The following PRPF31 variants were observed in gnomAD, a reference collection of about 807,000 sequenced individuals.
The protein encoded by PRPF31 is U4/U6 small nuclear ribonucleoprotein Prp31.
Under a neutral mutation model 60.4 loss-of-function variants are expected in PRPF31, and 12 were observed. The ratio of observed to expected loss-of-function variants is 0.20; its 90% CI spans 0.13 to 0.32. The LOEUF (loss-of-function observed/expected upper bound fraction) is 0.32. Ranked by LOEUF, PRPF31 falls within the 10% of genes least tolerant of loss-of-function variation. The probability of loss-of-function intolerance (pLI) is 1.00; values close to 1 mark genes in which losing one functional copy is unlikely to be tolerated. For missense variants in PRPF31, 431 were observed against 687.1 expected (o/e 0.63, Z 4.17); for synonymous variants, 287 against 287.9 (o/e 1.00, Z 0.03).
chr19:54,123,722 G>T, intron 6 of PRPF31, 27 bp from the exon 7 acceptor site: 1 of 1,599,508 alleles, frequency 6.3e-7, no homozygotes. Context: ...GGGAGACCCA[G>T]GAGGCTGGGC....
intron 11 of PRPF31, 97 bp downstream of exon 11, chr19:54,128,474 G>A (rs1273022878): frequency 3.1e-6 from 4 of 1,272,308 alleles, no homozygotes; most frequent in Non-Finnish European, 4.5e-6. Context: ...CTGTGGCCCT[G>A]GCTCATGTCT....
chr19:54,129,423 C>T, intron 13 of PRPF31, 53 bp downstream of exon 13: 2 of 1,539,320 alleles, frequency 1.3e-6, no homozygotes, highest in Non-Finnish European at 1.8e-6. Flanking sequence ...GGCAAGGCCC[C>T]TTGCCCTCTG....
chr19:54,129,292 C>T lies in PRPF31; in HGVS notation c.1296C>T (p.Ser432=), dbSNP rs748076531. The T allele has an allele frequency of 1.1e-5, 18 of 1,611,220 alleles. No homozygotes were observed. Among genetic ancestry groups the T allele is most frequent in the Middle Eastern group, 1.6e-4 (1 of 6,078 alleles). The change falls in exon 13 of 14, where the codon AGC becomes AGT. Residue 432 remains serine (S), a synonymous_variant. Transcript: ENST00000321030. ...KTLQRTLQKQ[S]VVYGGKSTIR... Reference sequence around the variant, plus strand: ...CACAGCGGACCCTGCAGAAGCAGAGCGTCGTATATGGCGGGAAGTCCACCA... The same window carrying T: ...CACAGCGGACCCTGCAGAAGCAGAGTGTCGTATATGGCGGGAAGTCCACCA...
intron 8 of PRPF31, 172 bp from the exon 9 acceptor site, chr19:54,126,356 C>G (rs1052299111): frequency 4.4e-6 from 3 of 681,990 alleles, no homozygotes; most frequent in Non-Finnish European, 8.0e-6. Flanking sequence ...CTGCCCTCAT[C>G]CCCTCTTCCT....
At chr19:54,125,800 G>T (rs146992947) in intron 8 of PRPF31, among the ~76,000 whole-genome samples, 101 of 152,290 alleles carry the variant, frequency 6.6e-4, no homozygotes, top group Middle Eastern at 6.8e-3. Context: ...AGAGAGAGTG[G>T]GCGATAGAAC....
intron 4 of PRPF31, chr19:54,122,218 T>G (rs2073809318): frequency 1.6e-6 from 1 of 620,850 alleles, no homozygotes. Flanking sequence ...GCGAGGTGAC[T>G]GCCCCACCTC....
Position 54,129,186 on chromosome 19 carries a change from G to A in PRPF31, c.1275+1G>A. ...GGCCAGGATCTCCAAGACGCTGCAG[G>A]TATGGGCCAGACCCAGGTGGGGCTG... On this transcript the variant is annotated splice_donor_variant, in intron 12 of 13. Transcript: ENST00000321030. LOFTEE classifies it high-confidence loss of function. 6.3e-7 allele frequency: 1 copy of A among 1,590,530 alleles called. No homozygotes were observed. The highest frequency in any genetic ancestry group is 8.6e-7 in the Non-Finnish European group (1 of 1,168,924).
intron 4 of PRPF31, 55 bp from the exon 5 acceptor site, chr19:54,122,442 C>T: frequency 7.3e-7 from 1 of 1,367,498 alleles, no homozygotes; most frequent in Non-Finnish European, 1.0e-6. Flanking sequence ...TTAGGGCCAA[C>T]CAGCAGAGTC....
Position 54,123,597 on chromosome 19 carries a change from G to T in PRPF31, c.527+37G>T, listed in dbSNP as rs202204961. On this transcript the variant is annotated intron_variant, in intron 6 of 13. Coordinates refer to ENST00000321030, the MANE Select transcript of PRPF31 (RefSeq NM_015629.4). ...TCGAGGGAGGCGCCGGGCCCTAATG[G>T]GATTGGGGATTAGGCTGGAGCTACA... The T allele has an allele frequency of 3.5e-5, 57 of 1,608,270 alleles. 1 individual carries two copies. In the Middle Eastern group the frequency reaches 6.6e-4, roughly 19 times the overall value.
chr19:54,116,303 C>CT (rs1411649797), intron 1 of PRPF31, among the ~76,000 whole-genome samples: 17 of 152,158 alleles, frequency 1.1e-4, no homozygotes, highest in African/African-American at 4.1e-4. Context: ...CTCCCGGATT[C>CT]AAGCGATTCT....
At chr19:54,124,835 C>T in intron 8 of PRPF31, 179 bp downstream of exon 8, 1 of 726,704 alleles carries the variant, frequency 1.4e-6, no homozygotes. Flanking sequence ...CAGCACCCAC[C>T]AGTCAGGTGA....
chr19:54,131,248 GTCACAGTTGGGGCCT>G, intron 13 of PRPF31, 44 bp from the exon 14 acceptor site: 1 of 1,606,570 alleles, frequency 6.2e-7, no homozygotes, highest in African/African-American at 1.3e-5. Context: ...GCTCTGATGG[GTCACAGTTGGGGCCT>G]TCTCCTCACC....
intron 8 of PRPF31, chr19:54,125,007 C>T: frequency 4.6e-6 from 2 of 434,834 alleles, no homozygotes; most frequent in Non-Finnish European, 8.5e-6. Context: ...CGTGCAACTG[C>T]TCCGAAGACC....
At chr19:54,115,851 GA>G (rs2073617311) in intron 1 of PRPF31, 54 bp downstream of exon 1, 1 of 203,606 alleles carries the variant, frequency 4.9e-6, no homozygotes, top group South Asian at 1.6e-4. Flanking sequence ...GGGTCTGGGA[GA>G]AGAAGTGTGT....
At position 54,128,372 on chromosome 19, in the gene PRPF31, G is replaced by A; in HGVS notation, c.1141G>A (p.Gly381Arg). 6.5e-7 allele frequency: 1 copy of A among 1,545,004 alleles called. No homozygotes were observed. Among genetic ancestry groups the A allele is most frequent in the Non-Finnish European group, 8.7e-7 (1 of 1,146,184 alleles). ...IRKQANRMSF[G>R]EIEEDAYQED... ...GAAGCAGGCCAACCGTATGAGCTTC[G>A]GAGAGGTCAGACTCCCAGAGCGCCC... The change falls in exon 11 of 14, where the codon GGA becomes AGA. Residue 381 changes from glycine (G) to arginine (R), a missense_variant. Physicochemically the swap from Gly to Arg is moderately radical, Grantham distance 125. Coordinates refer to ENST00000321030, the MANE Select transcript of PRPF31 (RefSeq NM_015629.4).
intron 8 of PRPF31, chr19:54,124,983 C>T: frequency 2.0e-6 from 1 of 493,856 alleles, no homozygotes; most frequent in Non-Finnish European, 3.7e-6. Context: ...TCACGACAAG[C>T]AGCGTCGGGT....
intron 4 of PRPF31, 72 bp from the exon 5 acceptor site, chr19:54,122,425 A>G (rs1377985360): frequency 6.3e-6 from 7 of 1,105,142 alleles, no homozygotes; most frequent in African/African-American, 1.5e-5. Flanking sequence ...AGAAGGGGAC[A>G]TGGGTGTTAG....
chr19:54,122,518 G>A lies in PRPF31; in HGVS notation c.344G>A (p.Arg115Gln). The change falls in exon 5 of 14, where the codon CGG becomes CAG. Residue 115 changes from arginine (R) to glutamine (Q), a missense_variant. Arg to Gln is a conservative substitution (Grantham distance 43). Transcript: ENST00000321030. ...CTAGACATCATCCATAAGTTCATCC[G>A]GGATAAGTACTCAAAGAGATTCCCT... ...NELNIIHKFI[R>Q]DKYSKRFPEL... is the part of the protein sequence containing the mutation. The A allele has an allele frequency of 6.2e-7, 1 of 1,613,856 alleles. No homozygotes were observed. Among genetic ancestry groups the A allele is most frequent in the Non-Finnish European group, 8.5e-7 (1 of 1,179,758 alleles).
In PRPF31 at chr19:54,124,093, A is replaced by G. The variant is rs587711843; in HGVS notation, c.697+175A>G. 6.4e-5 allele frequency: 84 copies of G among 1,320,576 alleles called. No individual in the cohort carries two copies. The Middle Eastern group carries it at 1.4e-3, about 22-fold the overall frequency. The allele number at this position is 1,320,576 out of a possible 1,614,324, so 81.8% of individuals were successfully genotyped here. ...ACACAGCAAAGCCTCATCTGTGGGAAAAACACTCACCCACAGCTCCTTCTC... is the reference window on the plus strand; with the variant it reads ...ACACAGCAAAGCCTCATCTGTGGGAGAAACACTCACCCACAGCTCCTTCTC... On this transcript the variant is annotated intron_variant, in intron 7 of 13. Coordinates refer to ENST00000321030, the MANE Select transcript of PRPF31 (RefSeq NM_015629.4).
Sources: gnomAD v4.1 joint callset for allele counts (sites outside exome capture counted in the v4.1 genomes callset) on GRCh38, gnomAD v4.1.1 for gene constraint, MANE v1.5 for transcripts, NCBI Gene and HGNC (gene_info 2026-07-23, HGNC 2026-07-21) for gene names.